GPM6B: variants seen among roughly 807,000 people sequenced by gnomAD.
The protein encoded by GPM6B is neuronal membrane glycoprotein M6-b.
Under a neutral mutation model 27.2 loss-of-function variants are expected in GPM6B, and 4 were observed. The ratio of observed to expected loss-of-function variants is 0.15; its 90% CI spans 0.07 to 0.34. The LOEUF is 0.34. Ranked by LOEUF, GPM6B falls within the 10% of genes least tolerant of loss-of-function variation. The probability of loss-of-function intolerance (pLI) is 1.00; values close to 1 mark genes in which losing one functional copy is unlikely to be tolerated. For synonymous variants in GPM6B, 124 were observed against 103.1 expected (o/e 1.20, Z -1.23); for missense variants, 183 against 261.9 (o/e 0.70, Z 2.08).
At chrX:13,810,669 C>A (rs1160059462) in intron 1 of GPM6B, among the ~76,000 whole-genome samples, 1 of 108,289 alleles carries the variant, frequency 9.2e-6, no homozygotes, top group African/African-American at 3.4e-5. Flanking sequence ...CAATGAAAAA[C>A]CATGGACTGC....
upstream of GPM6B, among the ~76,000 whole-genome samples, chrX:13,820,448 G>A (rs55646372): frequency 0.34 from 37,352 of 109,581 alleles, 5,944 homozygotes; most frequent in Non-Finnish European, 0.49. Flanking sequence ...GGTTGAAGGT[G>A]CTCTTAGGAC....
At chrX:13,931,394 G>A (rs185186688) in intron 1 of GPM6B, among the ~76,000 whole-genome samples, 272 of 106,584 alleles carry the variant, frequency 2.6e-3, no homozygotes, top group African/African-American at 3.6e-3. Flanking sequence ...AGGCTGAGGC[G>A]AGAGAATGGC....
intron 1 of GPM6B, among the ~76,000 whole-genome samples, chrX:13,885,762 G>A (rs150717591): frequency 0.01 from 1,135 of 111,675 alleles, 22 homozygotes; most frequent in African/African-American, 0.035. Context: ...AGACAAGCGT[G>A]ATGGATGGTG....
chrX:13,879,604 A>G (rs183833522), intron 1 of GPM6B, among the ~76,000 whole-genome samples: 379 of 112,420 alleles, frequency 3.4e-3, no homozygotes, highest in Non-Finnish European at 4.7e-3. Context: ...TTCAAACACA[A>G]AAGGCGTGGT....
Position 13,858,997 on chromosome X carries a change from G to A in GPM6B, c.-197-73189C>T, listed in dbSNP as rs757995532. Among the ~76,000 whole-genome samples the A allele has an allele frequency of 4.2e-4, 47 of 112,206 alleles. 1 individual carries two copies. The highest frequency in any genetic ancestry group is 7.9e-4 in the Non-Finnish European group (42 of 53,238). ...ATAATCTAAGTAGCTCTGAAAACCC[G>A]AGCTGCATAAAACCCATTCAACTGT... On this transcript the variant is annotated intron_variant, in intron 1 of 6. Coordinates refer to the GPM6B transcript ENST00000398361.
At chrX:13,890,686 G>A (rs1404329936) in intron 1 of GPM6B, among the ~76,000 whole-genome samples, 1 of 110,604 alleles carries the variant, frequency 9.0e-6, no homozygotes, top group Non-Finnish European at 1.9e-5. Flanking sequence ...ATGTTTAGTA[G>A]CACCCCTGGA....
intron 1 of GPM6B, among the ~76,000 whole-genome samples, chrX:13,880,182 G>A (rs181459227): frequency 9.0e-6 from 1 of 111,571 alleles, no homozygotes; most frequent in African/African-American, 3.3e-5. Flanking sequence ...TAGCGTAAAG[G>A]TCTCTCTACT....
chrX:13,930,996 C>T (rs1043423571), intron 1 of GPM6B, among the ~76,000 whole-genome samples: 1 of 110,574 alleles, frequency 9.0e-6, no homozygotes, highest in Non-Finnish European at 1.9e-5. Context: ...CCAGCCTGGC[C>T]AACATAGTGA....
intron 1 of GPM6B, among the ~76,000 whole-genome samples, chrX:13,849,673 T>C (rs1331372670): frequency 1.8e-5 from 2 of 111,484 alleles, no homozygotes; most frequent in Admixed American, 9.5e-5. Context: ...ATAACTACCA[T>C]AATTGATGGC....
chrX:13,872,955 A>T (rs2049995636), intron 1 of GPM6B, among the ~76,000 whole-genome samples: 5 of 110,840 alleles, frequency 4.5e-5, no homozygotes. Context: ...GTTTTATGCT[A>T]GTCTCGACCC....
chrX:13,913,639 G>A (rs1315392048), intron 1 of GPM6B, among the ~76,000 whole-genome samples: 1 of 112,185 alleles, frequency 8.9e-6, no homozygotes, highest in African/African-American at 3.2e-5. Context: ...AAACAGTTGG[G>A]TATCTTCTTG....
intron 1 of GPM6B, among the ~76,000 whole-genome samples, chrX:13,920,948 T>C: frequency 8.9e-6 from 1 of 111,894 alleles, no homozygotes; most frequent in Non-Finnish European, 1.9e-5. Context: ...TTCAATGTTT[T>C]ATGCTGTCTT....
Position 13,776,309 on chromosome X carries a change from A to G in GPM6B, c.772-6T>C, listed in dbSNP as rs1252706439. 5.9e-6 allele frequency: 7 copies of G among 1,194,220 alleles called. No individual in the cohort carries two copies. The highest frequency in any genetic ancestry group is 3.0e-5 in the East Asian group (1 of 33,695). ...AGGTGATAGGACATGTAGAACTACA[A>G]AAGAACAGGGCATCAACATAAGCAT... On this transcript the variant is annotated splice_polypyrimidine_tract_variant and splice_region_variant and intron_variant, in intron 6 of 7. Coordinates refer to ENST00000316715, the MANE Select transcript of GPM6B (RefSeq NM_001001995.3).
rs1171503867 is a variant in GPM6B, at chrX:13,865,542, C to CAAAAAAAAAAAAAAAA, written c.-198+72769_-198+72784dup. Among the ~76,000 whole-genome samples the CAAAAAAAAAAAAAAAA allele has an allele frequency of 7.5e-4, 11 of 14,622 alleles. 1 individual carries two copies. Among genetic ancestry groups the CAAAAAAAAAAAAAAAA allele is most frequent in the Non-Finnish European group, 1.1e-3 (7 of 6,228 alleles). The allele number at this position is 14,622 out of a possible 115,157, so 12.7% of individuals were successfully genotyped here. ...ACCACACGGTAAAAATCCATCTCTT[C>CAAAAAAAAAAAAAAAA]AAAAAAAAAAAAAAAAAAAAGAAAG... On this transcript the variant is annotated intron_variant, in intron 1 of 6. Transcript: ENST00000398361.
At chrX:13,797,514 C>G (rs1371541372) in intron 2 of GPM6B, among the ~76,000 whole-genome samples, 1 of 111,070 alleles carries the variant, frequency 9.0e-6, no homozygotes, top group Non-Finnish European at 1.9e-5. Context: ...ATCAAGGACA[C>G]CAGGGTAATG....
intron 1 of GPM6B, among the ~76,000 whole-genome samples, chrX:13,888,536 G>A (rs183972826): frequency 5.4e-5 from 6 of 111,642 alleles, no homozygotes; most frequent in African/African-American, 1.3e-4. Context: ...GGCTCTCGGC[G>A]AGGGCAAACA....
intron 1 of GPM6B, among the ~76,000 whole-genome samples, chrX:13,828,946 A>T (rs2049407806): frequency 8.9e-6 from 1 of 111,806 alleles, no homozygotes; most frequent in Admixed American, 9.5e-5. Context: ...GCTGAGCTGA[A>T]CCTTGACTCA....
chrX:13,786,277 G>A (rs922506130), intron 2 of GPM6B, among the ~76,000 whole-genome samples: 1 of 112,372 alleles, frequency 8.9e-6, no homozygotes, highest in Non-Finnish European at 1.9e-5. Context: ...CAATACGTCT[G>A]CTGCTGTGGC....
chrX:13,912,728 C>T (rs1040781771), intron 1 of GPM6B, among the ~76,000 whole-genome samples: 5 of 112,403 alleles, frequency 4.4e-5, no homozygotes, highest in African/African-American at 1.6e-4. Flanking sequence ...TACTTTTCCT[C>T]AGTGGAAGGT....
Sources: gnomAD v4.1 joint callset for allele counts (sites outside exome capture counted in the v4.1 genomes callset) on GRCh38, gnomAD v4.1.1 for gene constraint, MANE v1.5 for transcripts, NCBI Gene and HGNC (gene_info 2026-07-23, HGNC 2026-07-21) for gene names.